Variants in DNAH11 observed in about 807,000 individuals in gnomAD.
DNAH11 encodes the protein axonemal beta dynein heavy chain 11.
In DNAH11, 442 loss-of-function variants were observed where a neutral mutation model predicts 526.0. That is an observed-to-expected ratio of 0.84 (90% CI 0.78 to 0.91). The LOEUF (loss-of-function observed/expected upper bound fraction) is 0.91, where lower values mean the gene tolerates loss of function less well. Ranked by LOEUF, DNAH11 falls within the 40% of genes least tolerant of loss-of-function variation. The pLI is 0.00. For synonymous variants in DNAH11, 2,461 were observed against 1,935.9 expected (o/e 1.27, Z -7.12); for missense variants, 6,989 against 5,448.7 (o/e 1.28, Z -8.90).
At chr7:21,651,331 C>T (rs1022635643) in intron 28 of DNAH11, among the ~76,000 whole-genome samples, 3 of 151,796 alleles carry the variant, frequency 2.0e-5, no homozygotes, top group Non-Finnish European at 2.9e-5. Flanking sequence ...TGTAAGCTGC[C>T]GTAATTTCAT....
chr7:21,838,532 C>A (rs1402451211), intron 65 of DNAH11, among the ~76,000 whole-genome samples: 1 of 152,116 alleles, frequency 6.6e-6, no homozygotes, highest in African/African-American at 2.4e-5. Flanking sequence ...CTGTTCTGGA[C>A]ATTTCACTAA....
chr7:21,782,227 C>G (rs887035375), intron 57 of DNAH11, among the ~76,000 whole-genome samples: 2 of 152,144 alleles, frequency 1.3e-5, no homozygotes, highest in African/African-American at 2.4e-5. Context: ...TCTGGTCTAC[C>G]CAAGGGTGAA....
At chr7:21,745,112 A>T (rs776802790) in intron 51 of DNAH11, 49 bp downstream of exon 51, 3 of 1,544,646 alleles carry the variant, frequency 1.9e-6, no homozygotes, top group African/African-American at 2.7e-5. Context: ...GAATGGCTGG[A>T]TATCCACTAC....
At chr7:21,676,574 C>T (rs189711379) in intron 30 of DNAH11, among the ~76,000 whole-genome samples, 4 of 152,322 alleles carry the variant, frequency 2.6e-5, no homozygotes, top group Non-Finnish European at 4.4e-5. Flanking sequence ...GCATATGATG[C>T]TGTGCAGATT....
intron 68 of DNAH11, among the ~76,000 whole-genome samples, chr7:21,859,082 G>A (rs546551654): frequency 1.9e-4 from 29 of 152,140 alleles, no homozygotes; most frequent in African/African-American, 6.7e-4. Context: ...ATGTGTATAA[G>A]GTGTCTATGA....
chr7:21,765,456 G>T lies in DNAH11; in HGVS notation c.8969G>T (p.Arg2990Leu), dbSNP rs72657371. 3.7e-6 allele frequency: 6 copies of T among 1,613,686 alleles called. No individual in the cohort carries two copies. The highest frequency in any genetic ancestry group is 1.1e-5 in the South Asian group (1 of 91,062). The change falls in exon 55 of 82, where the codon CGC becomes CTC. Residue 2990 changes from arginine to leucine, a missense_variant. Arg to Leu is a moderately radical substitution (Grantham distance 102). Coordinates refer to ENST00000409508, the MANE Select transcript of DNAH11 (RefSeq NM_001277115.2). ...ATTTTGTGTTTCTCTCCAGTTGGTC[G>T]CACGCTGAGAGTTAGAGCTCGGAAG... The part of the protein sequence containing the change: ...KIILCFSPVG[R>L]TLRVRARKFP...
intron 54 of DNAH11, among the ~76,000 whole-genome samples, chr7:21,754,621 T>C (rs1786548349): frequency 6.6e-6 from 1 of 151,584 alleles, no homozygotes; most frequent in Non-Finnish European, 1.5e-5. Context: ...TCTTCCCTAC[T>C]AAAATGAGTA....
At chr7:21,755,156 G>A (rs983625544) in intron 54 of DNAH11, among the ~76,000 whole-genome samples, 1 of 152,184 alleles carries the variant, frequency 6.6e-6, no homozygotes, top group African/African-American at 2.4e-5. Flanking sequence ...GAGACAATGA[G>A]AACCTGTTGG....
chr7:21,626,877 A>G lies in DNAH11; in HGVS notation c.4500+6799A>G, dbSNP rs960293575. ...GCCATTCTTCTGCCTCAGCCTCCCA[A>G]GTAGCTGGGACTACAGGCGCCCGCC... On this transcript the variant is annotated intron_variant, in intron 25 of 81. Coordinates refer to ENST00000409508, the MANE Select transcript of DNAH11 (RefSeq NM_001277115.2). 2.7e-5 allele frequency among the ~76,000 whole-genome samples: 4 copies of G among 150,608 alleles called. No individual in the cohort carries two copies. In the East Asian group the frequency reaches 5.9e-4, roughly 22 times the overall value.
Position 21,617,733 on chromosome 7 carries a change from G to A in DNAH11, c.4210G>A (p.Ala1404Thr). 6.2e-7 allele frequency: 1 copy of A among 1,611,212 alleles called. No homozygotes were observed. The highest frequency in any genetic ancestry group is 8.5e-7 in the Non-Finnish European group (1 of 1,178,842). ...GGCCATCACAGAGTTACAGAGCCCT[G>A]CCCTCAGGGACAGGCATTGGCACCA... ...LRAITELQSP[A>T]LRDRHWHQLM... The change falls in exon 23 of 82, where the codon GCC becomes ACC. Residue 1404 changes from alanine to threonine, a missense_variant. By Grantham distance (58) the Ala-to-Thr change is moderately conservative. Transcript: ENST00000409508.
At chr7:21,866,966 C>G (rs17145743) in intron 71 of DNAH11, among the ~76,000 whole-genome samples, 1 of 152,028 alleles carries the variant, frequency 6.6e-6, no homozygotes, top group Non-Finnish European at 1.5e-5. Context: ...AGGCCAGGAA[C>G]ATGCATTCAT....
At chr7:21,727,925 C>T (rs1481373931) in intron 45 of DNAH11, among the ~76,000 whole-genome samples, 2 of 152,214 alleles carry the variant, frequency 1.3e-5, no homozygotes, top group African/African-American at 4.8e-5. Context: ...CATCGCTTGC[C>T]GTGACCTCAC....
rs1359107415 is a variant in DNAH11 at position 21,589,207 on chromosome 7, G to C, written c.1974-1G>C. 2 of 1,590,450 alleles carry C rather than the reference G, an allele frequency of 1.3e-6. No individual in the cohort carries two copies. The highest frequency in any genetic ancestry group is 1.4e-5 in the African/African-American group (1 of 73,488). ...CCAGTAGAAAAACCTTATTCCTACAGATTTTTGGGCAATCCTGATCACGCT... is the reference window on the plus strand; with the variant it reads ...CCAGTAGAAAAACCTTATTCCTACACATTTTTGGGCAATCCTGATCACGCT... On this transcript the variant is annotated splice_acceptor_variant, in intron 11 of 81. Coordinates refer to ENST00000409508, the MANE Select transcript of DNAH11 (RefSeq NM_001277115.2). LOFTEE classifies it high-confidence loss of function.
intron 30 of DNAH11, among the ~76,000 whole-genome samples, chr7:21,671,614 C>T (rs1201358613): frequency 2.0e-5 from 3 of 151,836 alleles, no homozygotes; most frequent in South Asian, 2.1e-4. Context: ...TAATCTTTGA[C>T]GTTATTGGTT....
intron 54 of DNAH11, among the ~76,000 whole-genome samples, chr7:21,754,792 C>G (rs1786559458): frequency 6.6e-6 from 1 of 152,194 alleles, no homozygotes; most frequent in Non-Finnish European, 1.5e-5. Flanking sequence ...ACCATGACCT[C>G]TTTACCTTGA....
chr7:21,826,581 C>T (rs1790309604), intron 65 of DNAH11, among the ~76,000 whole-genome samples: 1 of 151,490 alleles, frequency 6.6e-6, no homozygotes, highest in Non-Finnish European at 1.5e-5. Flanking sequence ...GAACATTTTA[C>T]TTGATTTCTC....
In DNAH11 at chr7:21,543,446, G is replaced by C. The variant is rs1388988809; in HGVS notation, c.201G>C (p.Ala67=). ...TGCGCTTCCTCGGCGGCCGCCTGGC[G>C]ATGATGCTGGGGTTCACGGAGGAGA... ...ARVRFLGGRL[A]MMLGFTEEKW... The change falls in exon 1 of 82, where the codon GCG becomes GCC. Residue 67 remains alanine, a synonymous_variant. Transcript: ENST00000409508. 6.4e-7 allele frequency: 1 copy of C among 1,566,858 alleles called. No individual in the cohort carries two copies.
chr7:21,805,613 C>T lies in DNAH11; in HGVS notation c.10166-2270C>T, dbSNP rs528978155. ...CCATTTGTGAGGTACCTGAGAAAAA[C>T]TGTTATATAATTAGACTGTTTTCCG... On this transcript the variant is annotated intron_variant, in intron 62 of 81. Coordinates refer to ENST00000409508, the MANE Select transcript of DNAH11 (RefSeq NM_001277115.2). 2.8e-4 allele frequency among the ~76,000 whole-genome samples: 42 copies of T among 152,248 alleles called. No homozygotes were observed. In the South Asian group the frequency reaches 8.1e-3, roughly 29 times the overall value.
In DNAH11 at chr7:21,754,239, T is replaced by C. The variant is rs535868225; in HGVS notation, c.8940+3875T>C. ...CACTGTTAGGTCTTATGTTGGCTTT[T>C]GATTCAGAATATGTATCTTGTCAAA... On this transcript the variant is annotated intron_variant, in intron 54 of 81. Coordinates refer to ENST00000409508, the MANE Select transcript of DNAH11 (RefSeq NM_001277115.2). Among the ~76,000 whole-genome samples, 3 of 152,336 alleles carry C rather than the reference T, an allele frequency of 2.0e-5. No homozygotes were observed. In the South Asian group the frequency reaches 6.2e-4, roughly 32 times the overall value.
Sources: gnomAD v4.1 joint callset for allele counts (sites outside exome capture counted in the v4.1 genomes callset) on GRCh38, gnomAD v4.1.1 for gene constraint, MANE v1.5 for transcripts, NCBI Gene and HGNC (gene_info 2026-07-23, HGNC 2026-07-21) for gene names.